Variants in TMEM117 observed in about 807,000 individuals in gnomAD.
TMEM117 encodes transmembrane protein 117.
In TMEM117, 27 loss-of-function variants were observed where a neutral mutation model predicts 52.4. That is an observed-to-expected ratio of 0.51 (90% confidence interval 0.38 to 0.71). The LOEUF (loss-of-function observed/expected upper bound fraction) is 0.71, where lower values mean the gene tolerates loss of function less well. Among genes scored for constraint, TMEM117 ranks in the 30% least tolerant of loss-of-function variants. The pLI is 0.00. For missense variants in TMEM117, 556 were observed against 630.5 expected (o/e 0.88, Z 1.26); for synonymous variants, 215 against 206.3 (o/e 1.04, Z -0.36).
chr12:44,197,606 G>A (rs2138359519), intron 4 of TMEM117, among the ~76,000 whole-genome samples: 1 of 152,074 alleles, frequency 6.6e-6, no homozygotes, highest in African/African-American at 2.4e-5. Context: ...AATTCAATGT[G>A]GTGGAAAGCA....
intron 5 of TMEM117, among the ~76,000 whole-genome samples, chr12:44,212,295 G>T (rs1362783895): frequency 2.6e-5 from 4 of 152,170 alleles, no homozygotes; most frequent in Admixed American, 1.3e-4. Context: ...TGCTGTCGAT[G>T]CTACCTGCCC....
chr12:43,892,962 C>T (rs1944134412), intron 2 of TMEM117, among the ~76,000 whole-genome samples: 1 of 152,090 alleles, frequency 6.6e-6, no homozygotes, highest in Non-Finnish European at 1.5e-5. Context: ...AATGTCTAGG[C>T]AGAAGGAATA....
At chr12:43,934,500 C>T (rs1250105407) in intron 2 of TMEM117, among the ~76,000 whole-genome samples, 1 of 152,080 alleles carries the variant, frequency 6.6e-6, no homozygotes, top group Non-Finnish European at 1.5e-5. Context: ...TTTTAATATG[C>T]ACACTTTTGA....
chr12:44,116,992 C>G (rs1948155767), intron 3 of TMEM117, among the ~76,000 whole-genome samples: 1 of 152,198 alleles, frequency 6.6e-6, no homozygotes, highest in Non-Finnish European at 1.5e-5. Flanking sequence ...ACTGTATCAT[C>G]TGGCATCCAA....
chr12:43,889,618 G>A (rs903408412), intron 2 of TMEM117, among the ~76,000 whole-genome samples: 3 of 152,132 alleles, frequency 2.0e-5, no homozygotes, highest in African/African-American at 4.8e-5. Context: ...TAAATGGTGT[G>A]GTTGAAATAG....
intron 3 of TMEM117, among the ~76,000 whole-genome samples, chr12:43,963,043 T>C (rs184573808): frequency 5.7e-4 from 87 of 152,038 alleles, no homozygotes; most frequent in East Asian, 3.1e-3. Flanking sequence ...TATAAGATGC[T>C]TATATTCTTT....
chr12:43,865,697 A>T (rs1485763507), intron 2 of TMEM117, among the ~76,000 whole-genome samples: 12 of 145,074 alleles, frequency 8.3e-5, no homozygotes, highest in African/African-American at 3.3e-4. Context: ...ACTCCGTCCC[A>T]AAAAAAGAAA....
intron 3 of TMEM117, among the ~76,000 whole-genome samples, chr12:44,011,467 T>C (rs1946289101): frequency 6.6e-6 from 1 of 152,188 alleles, no homozygotes; most frequent in South Asian, 2.1e-4. Context: ...GGAGGTCTCC[T>C]GCACAAGCTC....
chr12:44,073,001 A>C (rs1947325556), intron 3 of TMEM117, among the ~76,000 whole-genome samples: 1 of 151,928 alleles, frequency 6.6e-6, no homozygotes, highest in Non-Finnish European at 1.5e-5. Flanking sequence ...GAGGCAGGAG[A>C]ATCGTTTGAA....
At chr12:44,144,743 T>C (rs186239306) in intron 4 of TMEM117, among the ~76,000 whole-genome samples, 113 of 152,382 alleles carry the variant, frequency 7.4e-4, no homozygotes, top group African/African-American at 2.6e-3. Context: ...AACAGATTAC[T>C]GTATGGATTC....
At chr12:43,906,800 C>T (rs896011984) in intron 2 of TMEM117, among the ~76,000 whole-genome samples, 33 of 152,368 alleles carry the variant, frequency 2.2e-4, no homozygotes, top group Admixed American at 9.8e-4. Context: ...GCTTAAAAAA[C>T]GGCGCACCAG....
At chr12:44,122,559 C>T (rs976244726) in intron 3 of TMEM117, among the ~76,000 whole-genome samples, 1 of 152,134 alleles carries the variant, frequency 6.6e-6, no homozygotes, top group Non-Finnish European at 1.5e-5. Context: ...GCTTTTTCTT[C>T]TCCCACCTCC....
intron 2 of TMEM117, among the ~76,000 whole-genome samples, chr12:43,878,945 C>T (rs1457864064): frequency 6.6e-6 from 1 of 152,012 alleles, no homozygotes; most frequent in Non-Finnish European, 1.5e-5. Flanking sequence ...AAAGAAGTTC[C>T]TGGAATACTG....
intron 7 of TMEM117, among the ~76,000 whole-genome samples, chr12:44,381,005 T>A (rs934206954): frequency 6.6e-6 from 1 of 152,200 alleles, no homozygotes; most frequent in Non-Finnish European, 1.5e-5. Flanking sequence ...GAGTATTTTT[T>A]TAATCCTGAT....
chr12:44,078,070 A>G (rs1947411299), intron 3 of TMEM117, among the ~76,000 whole-genome samples: 1 of 152,186 alleles, frequency 6.6e-6, no homozygotes, highest in African/African-American at 2.4e-5. Flanking sequence ...AAATTACAGG[A>G]ATTAAGTAAT....
At chr12:44,202,006 T>G (rs1478928690) in intron 4 of TMEM117, among the ~76,000 whole-genome samples, 1 of 148,360 alleles carries the variant, frequency 6.7e-6, no homozygotes, top group Non-Finnish European at 1.5e-5. Flanking sequence ...ATATATCATC[T>G]TTATATATCA....
intron 5 of TMEM117, among the ~76,000 whole-genome samples, chr12:44,268,562 TTACA>T (rs1467840663): frequency 6.6e-6 from 1 of 152,112 alleles, no homozygotes; most frequent in Non-Finnish European, 1.5e-5. Context: ...TTGTTACATA[TTACA>T]TATGTATGAG....
Position 44,216,008 on chromosome 12 carries a change from T to TC in TMEM117, c.608+4621_608+4622insC, listed in dbSNP as rs1364178951. ...TCCTTTCTTTCTTTCTTTCTTTCTTTTTTTTTTTTTTTTTTTTGAGACGGT... is the reference window on the plus strand; with the variant it reads ...TCCTTTCTTTCTTTCTTTCTTTCTTTCTTTTTTTTTTTTTTTTTGAGACGGT... On this transcript the variant is annotated intron_variant, in intron 5 of 7. Transcript: ENST00000266534. Among the ~76,000 whole-genome samples the TC allele has an allele frequency of 2.0e-3, 278 of 140,258 alleles. 1 individual carries two copies. Among genetic ancestry groups the TC allele is most frequent in the African/African-American group, 4.5e-3 (160 of 35,380 alleles). 92.0% of individuals were successfully genotyped at this position (140,258 alleles called of 152,430 possible). A position where few individuals can be genotyped will look rare whatever the true frequency, so the allele number is the denominator to read the frequency against.
At chr12:44,367,477 A>G (rs73090608) in intron 6 of TMEM117, among the ~76,000 whole-genome samples, 4,837 of 152,118 alleles carry the variant, frequency 0.032, 97 homozygotes, top group Middle Eastern at 0.13. Flanking sequence ...CTTCTATTGC[A>G]TGCCATTTCT....
Sources: gnomAD v4.1 joint callset for allele counts (sites outside exome capture counted in the v4.1 genomes callset) on GRCh38, gnomAD v4.1.1 for gene constraint, MANE v1.5 for transcripts, NCBI Gene and HGNC (gene_info 2026-07-23, HGNC 2026-07-21) for gene names.